The following ALG13 variants were observed in gnomAD, a reference collection of about 807,000 sequenced individuals.
ALG13 encodes the protein UDP-N-acetylglucosamine transferase subunit ALG13.
In ALG13, 11 loss-of-function variants were observed where a neutral mutation model predicts 87.8. The observed-to-expected ratio is 0.13, with a 90% CI of 0.08 to 0.21. The LOEUF (loss-of-function observed/expected upper bound fraction) is 0.21, where lower values mean the gene tolerates loss of function less well. Among genes scored for constraint, ALG13 ranks in the 10% least tolerant of loss-of-function variants. The pLI, the probability that ALG13 is intolerant of heterozygous loss-of-function variation, is 1.00. For synonymous variants in ALG13, 320 were observed against 306.3 expected (o/e 1.04, Z -0.47); for missense variants, 756 against 866.1 (o/e 0.87, Z 1.60).
intron 1 of ALG13, chrX:111,681,725 A>G: frequency 1.2e-6 from 1 of 838,295 alleles, no homozygotes; most frequent in Non-Finnish European, 1.4e-6. Context: ...AGCTCGCCTC[A>G]GAGCCCGGCT....
chrX:111,733,001 T>C (rs1289257693), intron 21 of ALG13, among the ~76,000 whole-genome samples: 2 of 111,602 alleles, frequency 1.8e-5, no homozygotes, highest in Non-Finnish European at 3.8e-5. Flanking sequence ...ACAACCTCAA[T>C]AGCTTTCAAT....
chrX:111,732,205 A>G (rs1298934322), intron 21 of ALG13, among the ~76,000 whole-genome samples: 2 of 111,793 alleles, frequency 1.8e-5, no homozygotes, highest in Non-Finnish European at 3.8e-5. Context: ...TTATCAAAGC[A>G]CAATACTAAC....
intron 13 of ALG13, 138 bp downstream of exon 13, chrX:111,722,995 C>T: frequency 2.2e-6 from 1 of 445,863 alleles, no homozygotes; most frequent in Non-Finnish European, 3.8e-6. Context: ...AGCTCTGTTG[C>T]CTAGGCTGGA....
chrX:111,744,725 TACCACCACCACCACCACCACC>T lies in ALG13; in HGVS notation c.2778_2798del (p.Pro939_Pro945del), dbSNP rs750710267. The T allele has an allele frequency of 4.6e-5, 51 of 1,099,443 alleles. No homozygotes were observed. The highest frequency in any genetic ancestry group is 5.6e-5 in the Admixed American group (2 of 35,728). The allele number at this position is 1,099,443 out of a possible 1,213,427, so 90.6% of individuals were successfully genotyped here. A position where few individuals can be genotyped will look rare whatever the true frequency, so the allele number is the denominator to read the frequency against. On this transcript the variant is annotated inframe_deletion, in exon 24 of 27. Coordinates refer to ENST00000394780, the MANE Select transcript of ALG13 (RefSeq NM_001099922.3). ...GCTATTCCTCATGCTGGTGCCTCTC[TACCACCACCACCACCACCACC>T]ACCACCACCACCACCACCACCACCT... is the stretch of plus-strand genomic sequence containing the variant.
chrX:111,690,997 A>T (rs1936035839), intron 3 of ALG13, among the ~76,000 whole-genome samples: 1 of 111,734 alleles, frequency 8.9e-6, no homozygotes, highest in African/African-American at 3.3e-5. Context: ...TGACACATGG[A>T]CAGATCATTT....
At chrX:111,694,611 AGT>A (rs1322655005) in intron 3 of ALG13, among the ~76,000 whole-genome samples, 2 of 112,165 alleles carry the variant, frequency 1.8e-5, no homozygotes, top group Non-Finnish European at 3.8e-5. Context: ...CTCATGGTTA[AGT>A]GTGCTACTAA....
intron 18 of ALG13, 72 bp downstream of exon 18, chrX:111,727,842 T>G: frequency 9.9e-7 from 1 of 1,010,904 alleles, no homozygotes; most frequent in Non-Finnish European, 1.3e-6. Flanking sequence ...AAAGGCAATG[T>G]GGATAAATTT....
intron 23 of ALG13, among the ~76,000 whole-genome samples, chrX:111,742,446 A>C (rs1943837841): frequency 2.7e-5 from 3 of 111,447 alleles, no homozygotes; most frequent in African/African-American, 9.8e-5. Flanking sequence ...ATGCCAAAAA[A>C]AAAAAAAACA....
rs1262658269 is a variant in ALG13 at position 111,723,780 on chromosome X, G to C, written c.1501-18G>C. ...GTATCTGTCACTAGTCTTGAGACTAGAAGTATTCTCTTTTCAGGTTTGCTT... is the reference window on the plus strand; with the variant it reads ...GTATCTGTCACTAGTCTTGAGACTACAAGTATTCTCTTTTCAGGTTTGCTT... On this transcript the variant is annotated intron_variant, in intron 13 of 26. Transcript: ENST00000394780. 1 of 1,060,828 alleles carries C rather than the reference G, an allele frequency of 9.4e-7. No homozygotes were observed. Among genetic ancestry groups the C allele is most frequent in the Non-Finnish European group, 1.3e-6 (1 of 774,556 alleles). 87.4% of individuals were successfully genotyped at this position (1,060,828 alleles called of 1,213,427 possible).
At chrX:111,734,546 T>C (rs1264583250) in intron 21 of ALG13, 1 of 113,791 alleles carries the variant, frequency 8.8e-6, no homozygotes, top group Non-Finnish European at 1.8e-5. Context: ...CAGTCTATCA[T>C]GCATGAGTCC....
chrX:111,682,368 G>T (rs1602472841), intron 2 of ALG13, 74 bp downstream of exon 2: 2 of 880,224 alleles, frequency 2.3e-6, no homozygotes, highest in East Asian at 6.8e-5. Context: ...TATTCTGGGG[G>T]TACATGTGCA....
At chrX:111,729,994 T>C (rs1942497494) in intron 19 of ALG13, among the ~76,000 whole-genome samples, 1 of 112,412 alleles carries the variant, frequency 8.9e-6, no homozygotes, top group African/African-American at 3.2e-5. Flanking sequence ...TACTCCATTT[T>C]ACAGTGAAGA....
intron 8 of ALG13, among the ~76,000 whole-genome samples, chrX:111,716,354 G>A (rs913270019): frequency 8.9e-6 from 1 of 111,752 alleles, no homozygotes; most frequent in Non-Finnish European, 1.9e-5. Context: ...GGAAATTCTT[G>A]CCACTTGAAT....
rs1438714862 is a variant in ALG13 at position 111,730,595 on chromosome X, A to T, written c.2457+15A>T. The T allele has an allele frequency of 8.7e-7, 1 of 1,149,363 alleles. No individual in the cohort carries two copies. The highest frequency in any genetic ancestry group is 1.8e-5 in the African/African-American group (1 of 56,489). The allele number at this position is 1,149,363 out of a possible 1,213,427, so 94.7% of individuals were successfully genotyped here. ...CAGCAAACTTGGTAGGTATTTAATA[A>T]TAGCAAAGAGTTATAGCTCCTACTA... On this transcript the variant is annotated intron_variant, in intron 21 of 26. Coordinates refer to ENST00000394780, the MANE Select transcript of ALG13 (RefSeq NM_001099922.3).
Position 111,708,300 on chromosome X carries a change from G to C in ALG13, c.657G>C (p.Glu219Asp), listed in dbSNP as rs1190803078. 2 of 1,209,946 alleles carry C rather than the reference G, an allele frequency of 1.7e-6. No homozygotes were observed. The highest frequency in any genetic ancestry group is 2.2e-6 in the Non-Finnish European group (2 of 895,144). Residue 219 changes from glutamate (E) to aspartate (D), a missense_variant, in exon 4 of 27, where the codon GAG becomes GAC. By Grantham distance (45) the Glu-to-Asp change is conservative. Around this residue, in one of 9 missense-constraint regions of ALG13, gnomAD observed 153 missense variants for 168.7 expected, o/e 0.91. Transcript: ENST00000394780. ...KNYCSQKSLN[E>D]ASMDEYLGSL... is the part of the protein sequence containing the mutation. ...ACTGCAGCCAGAAGTCTTTGAATGA[G>C]GCATCAATGGATGAATATTTAGGCA... is the stretch of plus-strand genomic sequence containing the variant.
chrX:111,712,509 G>A lies in ALG13; in HGVS notation c.911G>A (p.Arg304Lys). ...GAAAGTGCTGGCCAGCTGGAAATAA[G>A]AGCTCTTTCTCTAATTTATAAGTAA... ...PKESAGQLEI[R>K]ALSLIYNRDF... is the part of the protein sequence containing the mutation. The change falls in exon 7 of 27, where the codon AGA becomes AAA. Residue 304 changes from arginine (R) to lysine (K), a missense_variant. Coordinates refer to ENST00000394780, the MANE Select transcript of ALG13 (RefSeq NM_001099922.3). 1 of 1,175,747 alleles carries A rather than the reference G, an allele frequency of 8.5e-7. No homozygotes were observed. The highest frequency in any genetic ancestry group is 1.1e-6 in the Non-Finnish European group (1 of 871,746).
chrX:111,687,819 C>A, intron 3 of ALG13: 1 of 962,534 alleles, frequency 1.0e-6, no homozygotes, highest in Non-Finnish European at 1.4e-6. Flanking sequence ...ATTCAGTCAT[C>A]AGTGGGCAGC....
chrX:111,688,017 C>T (rs776425538), intron 3 of ALG13: 2 of 1,121,903 alleles, frequency 1.8e-6, no homozygotes, highest in East Asian at 3.4e-5. Context: ...AAACTCTCAA[C>T]ACTTTAAAAG....
At position 111,689,601 on chromosome X, in the gene ALG13, G is replaced by T. The variant is rs867702773; in HGVS notation, c.383+4498G>T. ...TTTGTGGAATTTTGTATCGATTTTG[G>T]ATTTTTAAGTCAAAGGAGACTTTAA... On this transcript the variant is annotated intron_variant, in intron 3 of 26. Coordinates refer to ENST00000394780, the MANE Select transcript of ALG13 (RefSeq NM_001099922.3). The T allele has an allele frequency of 1.7e-5, 13 of 751,856 alleles. No homozygotes were observed. The African/African-American group carries it at 2.3e-4, about 13-fold the overall frequency. 62.0% of individuals were successfully genotyped at this position (751,856 alleles called of 1,213,427 possible). A position where few individuals can be genotyped will look rare whatever the true frequency, so the allele number is the denominator to read the frequency against.
Sources: allele counts gnomAD v4.1 joint callset (sites outside exome capture counted in the v4.1 genomes callset), GRCh38; gene constraint gnomAD v4.1.1; regional missense constraint gnomAD v4.1.1; transcripts MANE v1.5; gene names NCBI Gene and HGNC (gene_info 2026-07-23, HGNC 2026-07-21).